FCGRT: variants seen among roughly 807,000 people sequenced by gnomAD.
The protein encoded by FCGRT is IgG receptor FcRn large subunit p51.
Under a neutral mutation model 35.7 loss-of-function variants are expected in FCGRT, and 13 were observed. The observed-to-expected ratio is 0.36, with a 90% confidence interval of 0.24 to 0.58. FCGRT has a LOEUF of 0.58. FCGRT is among the 20% of genes least tolerant of loss of function. The pLI is 0.77. For missense variants in FCGRT, 455 were observed against 474.9 expected (o/e 0.96, Z 0.39); for synonymous variants, 233 against 216.5 (o/e 1.08, Z -0.67).
At chr19:49,519,985 C>T (rs1447376145) in intron 4 of FCGRT, among the ~76,000 whole-genome samples, 1 of 151,320 alleles carries the variant, frequency 6.6e-6, no homozygotes, top group African/African-American at 2.4e-5. Flanking sequence ...TGCGTGCCAC[C>T]ATGCCTGGCT....
intron 4 of FCGRT, among the ~76,000 whole-genome samples, chr19:49,519,473 C>G (rs1345177134): frequency 6.6e-6 from 1 of 151,964 alleles, no homozygotes; most frequent in East Asian, 1.9e-4. Flanking sequence ...TTCCCATTTT[C>G]TTTTTGTTTT....
At chr19:49,515,856 CT>C (rs1322848386) in intron 4 of FCGRT, among the ~76,000 whole-genome samples, 2 of 152,186 alleles carry the variant, frequency 1.3e-5, no homozygotes, top group African/African-American at 4.8e-5. Flanking sequence ...CCAGTTTCCC[CT>C]GGCACCTCTC....
chr19:49,514,029 G>C lies in FCGRT; in HGVS notation c.221G>C (p.Trp74Ser). The change falls in exon 3 of 7, where the codon TGG (tryptophan) becomes TCG (serine). Residue 74 changes from tryptophan to serine, a missense_variant. This residue lies in a region of FCGRT where 136 missense variants were observed against 158.9 expected (regional missense o/e 0.86). Transcript: ENST00000221466. ...GGCGAGGCGGAGCCCTGTGGAGCTT[G>C]GGTCTGGGAAAACCAGGTGTCCTGG... is the stretch of plus-strand genomic sequence containing the variant. The part of the protein sequence containing the change: ...LRGEAEPCGA[W>S]VWENQVSWYW... 1 of 1,612,428 alleles carries C rather than the reference G, an allele frequency of 6.2e-7. No homozygotes were observed. The highest frequency in any genetic ancestry group is 8.5e-7 in the Non-Finnish European group (1 of 1,180,032).
rs1197830044 is a variant in FCGRT at position 49,516,528 on chromosome 19, GA to G, written c.601+2043del. ...GGCCTCCCAAAGTGCTGGAATTACAGACGTGAGCCACTGCTCCTGGCCTTTG... is the reference window on the plus strand; with the variant it reads ...GGCCTCCCAAAGTGCTGGAATTACAGCGTGAGCCACTGCTCCTGGCCTTTG... On this transcript the variant is annotated intron_variant, in intron 4 of 6. Transcript: ENST00000221466. 3.3e-5 allele frequency among the ~76,000 whole-genome samples: 5 copies of G among 151,306 alleles called. No homozygotes were observed. The East Asian group carries it at 9.8e-4, about 30-fold the overall frequency.
At chr19:49,516,077 A>G in intron 4 of FCGRT, 1 of 414,928 alleles carries the variant, frequency 2.4e-6, no homozygotes, top group Non-Finnish European at 4.7e-6. Flanking sequence ...TTGAGCAAAG[A>G]GGGAAGTGAC....
chr19:49,514,656 C>T (rs1175707732), intron 4 of FCGRT, among the ~76,000 whole-genome samples, 170 bp downstream of exon 4: 1 of 152,018 alleles, frequency 6.6e-6, no homozygotes, highest in Non-Finnish European at 1.5e-5. Flanking sequence ...CCCCAGCGCC[C>T]CCCAGGACAA....
chr19:49,522,699 C>T (rs2080048673), intron 4 of FCGRT, among the ~76,000 whole-genome samples: 1 of 149,518 alleles, frequency 6.7e-6, no homozygotes, highest in East Asian at 2.0e-4. Flanking sequence ...CCCAAAGCGC[C>T]AGGATTCTAG....
chr19:49,524,483 G>A (rs2080060637), intron 4 of FCGRT, 24 bp from the exon 5 acceptor site: 1 of 1,599,228 alleles, frequency 6.3e-7, no homozygotes, highest in Admixed American at 1.7e-5. Flanking sequence ...CGCGACTTAG[G>A]CCTGTCTGCC....
chr19:49,517,740 G>A (rs1298925716), intron 4 of FCGRT, among the ~76,000 whole-genome samples: 2 of 151,922 alleles, frequency 1.3e-5, no homozygotes, highest in African/African-American at 4.8e-5. Flanking sequence ...TCTGTCATGC[G>A]GGAGTGTAGT....
chr19:49,519,847 T>C (rs1223689332), intron 4 of FCGRT, among the ~76,000 whole-genome samples: 1 of 149,632 alleles, frequency 6.7e-6, no homozygotes, highest in African/African-American at 2.5e-5. Flanking sequence ...TTTTTTTTTT[T>C]TGAGATGGAG....
intron 4 of FCGRT, among the ~76,000 whole-genome samples, chr19:49,516,422 T>TC (rs2080008149): frequency 6.7e-6 from 1 of 149,914 alleles, no homozygotes; most frequent in Non-Finnish European, 1.5e-5. Context: ...TTTGTTTGTT[T>TC]TTTTTTTTTT....
chr19:49,513,740 C>A, intron 2 of FCGRT, 142 bp from the exon 3 acceptor site: 2 of 122,800 alleles, frequency 1.6e-5, no homozygotes, highest in East Asian at 5.2e-4. Context: ...GTCTCTGTCC[C>A]CCCCCCCCCG....
intron 4 of FCGRT, among the ~76,000 whole-genome samples, chr19:49,523,508 C>T (rs1001829099): frequency 2.0e-5 from 3 of 152,078 alleles, no homozygotes; most frequent in South Asian, 2.1e-4. Context: ...GTGGGGGTTG[C>T]AGTGAGTCGA....
Position 49,514,425 on chromosome 19 carries a change from C to G in FCGRT, c.540C>G (p.Phe180Leu). The G allele has an allele frequency of 6.3e-7, 1 of 1,593,636 alleles. No individual in the cohort carries two copies. Among genetic ancestry groups the G allele is most frequent in the Non-Finnish European group, 8.6e-7 (1 of 1,166,746 alleles). ...AANKELTFLL[F>L]SCPHRLREHL... is the part of the protein sequence containing the mutation. ...ACAAGGAGCTCACCTTCCTGCTATT[C>G]TCCTGCCCGCACCGCCTGCGGGAGC... Residue 180 changes from phenylalanine to leucine, a missense_variant, in exon 4 of 7, where the codon TTC becomes TTG. By Grantham distance (22) the Phe-to-Leu change is conservative. This residue lies in a region of FCGRT where 312 missense variants were observed against 296.1 expected (regional missense o/e 1.05). Transcript: ENST00000221466.
At chr19:49,525,671 CAGAGATCAGAG>C in intron 6 of FCGRT, 98 bp downstream of exon 6, 3 of 814,696 alleles carry the variant, frequency 3.7e-6, no homozygotes, top group Non-Finnish European at 6.1e-6. Context: ...AGAGGGGGGA[CAGAGATCAGAG>C]AGAGGTGGAG....
chr19:49,517,312 G>A (rs2080013153), intron 4 of FCGRT, among the ~76,000 whole-genome samples: 1 of 152,144 alleles, frequency 6.6e-6, no homozygotes, highest in Non-Finnish European at 1.5e-5. Flanking sequence ...CCAACAGAGT[G>A]AAACCCCATC....
intron 4 of FCGRT, among the ~76,000 whole-genome samples, chr19:49,522,696 C>T (rs780978744): frequency 1.0e-4 from 15 of 150,210 alleles, no homozygotes; most frequent in Middle Eastern, 3.4e-3. Flanking sequence ...CCCCCCAAAG[C>T]GCCAGGATTC....
intron 1 of FCGRT, 190 bp from the exon 2 acceptor site, chr19:49,513,197 A>G: frequency 2.7e-6 from 1 of 372,738 alleles, no homozygotes; most frequent in Non-Finnish European, 4.8e-6. Context: ...AAGTGTCTGT[A>G]ATTAATTAAC....
chr19:49,513,737 T>TCTCTCTCTGGCC (rs2079988330), intron 2 of FCGRT, 145 bp from the exon 3 acceptor site: 1 of 254,724 alleles, frequency 3.9e-6, no homozygotes, highest in African/African-American at 5.7e-5. Context: ...TGGGTCTCTG[T>TCTCTCTCTGGCC]CCCCCCCCCC....
Sources: allele counts gnomAD v4.1 joint callset (sites outside exome capture counted in the v4.1 genomes callset), GRCh38; gene constraint gnomAD v4.1.1; regional missense constraint gnomAD v4.1.1; transcripts MANE v1.5; gene names NCBI Gene and HGNC (gene_info 2026-07-23, HGNC 2026-07-21).